Variants in CLIC6 observed in about 807,000 individuals in gnomAD.
CLIC6 encodes the protein CLIC family member 6.
Under a neutral mutation model 49.2 loss-of-function variants are expected in CLIC6, and 39 were observed. The observed-to-expected ratio is 0.79, with a 90% CI of 0.61 to 1.04. The LOEUF is 1.04. Ranked by LOEUF, CLIC6 falls within the 50% of genes least tolerant of loss-of-function variation. The pLI is 0.00. For synonymous variants in CLIC6, 446 were observed against 433.4 expected, an observed-to-expected ratio of 1.03 and a Z score of -0.36; for missense variants, 988 against 993.1, an observed-to-expected ratio of 0.99 and a Z score of 0.07.
intron 1 of CLIC6, among the ~76,000 whole-genome samples, chr21:34,679,059 G>A (rs1989726546): frequency 1.3e-5 from 2 of 152,230 alleles, no homozygotes; most frequent in Admixed American, 1.3e-4. Flanking sequence ...GAATTTGTGA[G>A]TTGCTTAGAT....
At chr21:34,680,833 T>C (rs1038374731) in intron 1 of CLIC6, among the ~76,000 whole-genome samples, 6 of 152,238 alleles carry the variant, frequency 3.9e-5, no homozygotes, top group Non-Finnish European at 7.3e-5. Context: ...CCATTCAACA[T>C]GTCTGTAGGA....
Position 34,669,305 on chromosome 21 carries a change from C to G in CLIC6, c.-84C>G, listed in dbSNP as rs1989473782. ...CGTCCTTCAAGGAGCACAGAGGGCC[C>G]CGTAGCACGCCCCTTGCCCAGCGCC... On this transcript the variant is annotated 5_prime_UTR_variant, in exon 1 of 6. Coordinates refer to ENST00000349499, the MANE Select transcript of CLIC6 (RefSeq NM_053277.3). 1 of 1,117,742 alleles carries G rather than the reference C, an allele frequency of 8.9e-7. No individual in the cohort carries two copies. The highest frequency in any genetic ancestry group is 1.6e-5 in the African/African-American group (1 of 62,314). 69.2% of individuals were successfully genotyped at this position (1,117,742 alleles called of 1,614,324 possible). A position where few individuals can be genotyped will look rare whatever the true frequency, so the allele number is the denominator to read the frequency against.
intron 5 of CLIC6, among the ~76,000 whole-genome samples, chr21:34,715,531 C>T (rs2056080969): frequency 6.6e-6 from 1 of 152,098 alleles, no homozygotes; most frequent in African/African-American, 2.4e-5. Context: ...GGACTTCTGG[C>T]CCCCAGAACT....
intron 1 of CLIC6, among the ~76,000 whole-genome samples, chr21:34,671,946 C>T (rs1471080767): frequency 6.6e-6 from 1 of 152,144 alleles, no homozygotes; most frequent in South Asian, 2.1e-4. Context: ...AGGACACCAG[C>T]CCCTGAGAGG....
rs1490701659 is a variant in CLIC6, at chr21:34,707,312, C to G, written c.1407C>G (p.Cys469Trp). The change falls in exon 2 of 6, where the codon TGC becomes TGG. Residue 469 changes from cysteine (C) to tryptophan (W), a missense_variant. By Grantham distance (215) the Cys-to-Trp change is radical. Transcript: ENST00000349499. ...AGYDGESIGN[C>W]PFSQRLFMIL... The stretch of plus-strand genomic sequence containing the variant: ...ATGATGGTGAGAGTATCGGAAATTG[C>G]CCGTTTTCTCAGCGTCTCTTTATGA... The G allele has an allele frequency of 6.8e-6, 11 of 1,614,028 alleles. No individual in the cohort carries two copies. Among genetic ancestry groups the G allele is most frequent in the Non-Finnish European group, 9.3e-6 (11 of 1,179,942 alleles).
chr21:34,713,412 G>A (rs2056069024), intron 5 of CLIC6, among the ~76,000 whole-genome samples: 1 of 152,124 alleles, frequency 6.6e-6, no homozygotes, highest in South Asian at 2.1e-4. Flanking sequence ...ACAAATAAAA[G>A]AACTGCAGAA....
At chr21:34,692,755 A>G (rs1053181390) in intron 1 of CLIC6, among the ~76,000 whole-genome samples, 10 of 152,210 alleles carry the variant, frequency 6.6e-5, no homozygotes, top group South Asian at 2.1e-4. Flanking sequence ...TTTAAAACTT[A>G]AAAACATTAT....
intron 1 of CLIC6, among the ~76,000 whole-genome samples, chr21:34,699,103 C>T (rs1056573965): frequency 7.2e-5 from 11 of 152,196 alleles, no homozygotes; most frequent in African/African-American, 2.7e-4. Flanking sequence ...CTCTGAAGTT[C>T]AGTTTCCTTG....
At chr21:34,698,728 GC>G (rs2145811944) in intron 1 of CLIC6, among the ~76,000 whole-genome samples, 1 of 152,298 alleles carries the variant, frequency 6.6e-6, no homozygotes, top group South Asian at 2.1e-4. Context: ...CAGGTGACTT[GC>G]CAGTGGTCAC....
chr21:34,697,092 G>C (rs1223796358), intron 1 of CLIC6, among the ~76,000 whole-genome samples: 1 of 152,130 alleles, frequency 6.6e-6, no homozygotes, highest in Non-Finnish European at 1.5e-5. Flanking sequence ...AGAAATTGCA[G>C]CCTTTGTTGA....
chr21:34,673,651 T>C (rs1307745074), intron 1 of CLIC6, among the ~76,000 whole-genome samples: 2 of 152,180 alleles, frequency 1.3e-5, no homozygotes, highest in Non-Finnish European at 2.9e-5. Flanking sequence ...ATATTGTGTC[T>C]CAGTTTCTTC....
In CLIC6 at chr21:34,705,524, C is replaced by A. The variant is rs555573999; in HGVS notation, c.1375-1756C>A. On this transcript the variant is annotated intron_variant, in intron 1 of 5. Coordinates refer to ENST00000349499, the MANE Select transcript of CLIC6 (RefSeq NM_053277.3). ...CCACCCTTCAGGCTCCCAGCAACTT[C>A]AAGATACCTGGAGAGATTCTCAGAC... Among the ~76,000 whole-genome samples, 8 of 152,224 alleles carry A rather than the reference C, an allele frequency of 5.3e-5. No homozygotes were observed. In the East Asian group the frequency reaches 1.5e-3, roughly 29 times the overall value.
chr21:34,705,949 C>T, intron 1 of CLIC6: 1 of 581,424 alleles, frequency 1.7e-6, no homozygotes, highest in East Asian at 2.9e-5. Context: ...TCCTAGGCCC[C>T]ATGCAGCAGG....
intron 5 of CLIC6, among the ~76,000 whole-genome samples, chr21:34,709,930 C>T (rs1344366537): frequency 6.6e-6 from 1 of 152,144 alleles, no homozygotes; most frequent in Non-Finnish European, 1.5e-5. Context: ...TTGTAGGGCT[C>T]CACATGGCCC....
chr21:34,701,885 G>A (rs73359075), intron 1 of CLIC6, among the ~76,000 whole-genome samples: 1,876 of 151,992 alleles, frequency 0.012, 44 homozygotes, highest in African/African-American at 0.043. Flanking sequence ...GCAGCCTGGC[G>A]GACTTGCTGC....
chr21:34,702,571 G>A (rs1410532142), intron 1 of CLIC6, among the ~76,000 whole-genome samples: 1 of 152,180 alleles, frequency 6.6e-6, no homozygotes, highest in Non-Finnish European at 1.5e-5. Context: ...GAAATTTCCT[G>A]TGCTTCAGGG....
At chr21:34,711,038 T>C (rs1416226185) in intron 5 of CLIC6, among the ~76,000 whole-genome samples, 1 of 152,122 alleles carries the variant, frequency 6.6e-6, no homozygotes. Flanking sequence ...TGTGATGAGA[T>C]TGCTATGTCC....
Position 34,671,959 on chromosome 21 carries a change from G to T in CLIC6, c.1374+1197G>T, listed in dbSNP as rs138939976. On this transcript the variant is annotated intron_variant, in intron 1 of 5. Coordinates refer to ENST00000349499, the MANE Select transcript of CLIC6 (RefSeq NM_053277.3). ...TCAGGACACCAGCCCCTGAGAGGCT[G>T]CTGGGAAGAGCTGGAGCGCAGTGCT... 4.6e-5 allele frequency among the ~76,000 whole-genome samples: 7 copies of T among 152,274 alleles called. No individual in the cohort carries two copies. In the East Asian group the frequency reaches 9.6e-4, roughly 21 times the overall value.
chr21:34,688,669 A>G (rs1198616478), intron 1 of CLIC6, among the ~76,000 whole-genome samples: 4 of 152,220 alleles, frequency 2.6e-5, no homozygotes, highest in Non-Finnish European at 5.9e-5. Context: ...GAAGAAGGTG[A>G]CTGAGCTGAG....
Sources: allele counts gnomAD v4.1 joint callset (sites outside exome capture counted in the v4.1 genomes callset), GRCh38; gene constraint gnomAD v4.1.1; transcripts MANE v1.5; gene names NCBI Gene and HGNC (gene_info 2026-07-23, HGNC 2026-07-21).